The following ERICH1 variants were observed in gnomAD, a reference collection of about 807,000 sequenced individuals.
ERICH1 encodes glutamate-rich protein 1.
In ERICH1, 56 loss-of-function variants were observed where a neutral mutation model predicts 39.6. The observed-to-expected ratio is 1.41, with a 90% CI of 1.14 to 1.77. ERICH1 has a LOEUF of 1.77. Ranked by LOEUF, ERICH1 falls within the 40% of genes most tolerant of loss-of-function variation. The probability of loss-of-function intolerance (pLI) is 0.00; values close to 1 mark genes in which losing one functional copy is unlikely to be tolerated. For synonymous variants in ERICH1, 313 were observed against 223.6 expected (o/e 1.40, Z -3.57); for missense variants, 826 against 575.4 (o/e 1.44, Z -4.45).
intron 2 of ERICH1, among the ~76,000 whole-genome samples, chr8:700,331 G>T (rs1811703306): frequency 1.5e-5 from 1 of 67,684 alleles, no homozygotes. Flanking sequence ...GCACAGGCCC[G>T]CACACGCGCA....
chr8:699,077 C>T (rs12550549), intron 2 of ERICH1, among the ~76,000 whole-genome samples: 31,687 of 151,654 alleles, frequency 0.21, 3,846 homozygotes, highest in Middle Eastern at 0.37. Flanking sequence ...AAAAGAGCAC[C>T]GCACTACGGC....
intron 2 of ERICH1, among the ~76,000 whole-genome samples, chr8:700,479 GGCGCACAGGCCCGCACAC>G (rs1811813218): frequency 3.8e-4 from 7 of 18,200 alleles, no homozygotes; most frequent in Admixed American, 3.2e-3. Context: ...GACCCGCACA[GGCGCACAGGCCCGCACAC>G]GCGCACAGGC....
chr8:661,998 C>T (rs190678307), downstream of ERICH1, among the ~76,000 whole-genome samples: 1 of 152,196 alleles, frequency 6.6e-6, no homozygotes, highest in Non-Finnish European at 1.5e-5. Context: ...ACACATGACC[C>T]ACCACCCCTG....
intron 5 of ERICH1, chr8:667,329 G>C (rs1802411728): frequency 6.5e-6 from 1 of 153,566 alleles, no homozygotes; most frequent in Admixed American, 6.5e-5. Flanking sequence ...TCCATCCCCT[G>C]GTCCAGCCAC....
rs1402194357 is a variant in ERICH1 at position 648,443 on chromosome 8, C to T, written c.976+20155G>A. 3.7e-5 allele frequency among the ~76,000 whole-genome samples: 2 copies of T among 53,804 alleles called. 1 individual carries two copies. The highest frequency in any genetic ancestry group is 1.1e-4 in the Non-Finnish European group (2 of 18,702). The allele number at this position is 53,804 out of a possible 152,430, so 35.3% of individuals were successfully genotyped here. A position where few individuals can be genotyped will look rare whatever the true frequency, so the allele number is the denominator to read the frequency against. On this transcript the variant is annotated intron_variant, in intron 3 of 3. Coordinates refer to the ERICH1 transcript ENST00000522706. ...TGAGGCTGATGACACAGTCGTGTCC[C>T]AAACTGGACACAAATCACACAGCTC...
At chr8:688,229 G>A (rs1039724951) in intron 3 of ERICH1, among the ~76,000 whole-genome samples, 4 of 91,008 alleles carry the variant, frequency 4.4e-5, no homozygotes, top group African/African-American at 1.8e-4. Context: ...GTTTCCCGAC[G>A]TTCTCGCAGA....
chr8:716,850 T>G (rs1289272129), intron 1 of ERICH1, among the ~76,000 whole-genome samples: 1 of 151,998 alleles, frequency 6.6e-6, no homozygotes, highest in Admixed American at 6.5e-5. Context: ...GGGTGGCTTC[T>G]AGGCGAGGCA....
intron 3 of ERICH1, among the ~76,000 whole-genome samples, chr8:682,817 T>G (rs145097366): frequency 1.3e-3 from 200 of 152,338 alleles, no homozygotes; most frequent in African/African-American, 4.6e-3. Flanking sequence ...TACGTGAAAG[T>G]AGGCTAGGCA....
At chr8:722,034 A>G (rs1219535772) in intron 1 of ERICH1, among the ~76,000 whole-genome samples, 1 of 152,144 alleles carries the variant, frequency 6.6e-6, no homozygotes, top group Non-Finnish European at 1.5e-5. Flanking sequence ...CATGGCCCAA[A>G]TGAAAATGCC....
At chr8:710,989 A>C (rs1332394748) in intron 2 of ERICH1, among the ~76,000 whole-genome samples, 1 of 152,212 alleles carries the variant, frequency 6.6e-6, no homozygotes, top group Non-Finnish European at 1.5e-5. Flanking sequence ...TCCCATCTGC[A>C]GTGATGAGAG....
chr8:730,406 A>C (rs187528241), intron 1 of ERICH1, among the ~76,000 whole-genome samples: 14 of 152,356 alleles, frequency 9.2e-5, no homozygotes, highest in African/African-American at 2.6e-4. Context: ...TAGAGAAGGA[A>C]AAAAATTCAT....
intron 3 of ERICH1, among the ~76,000 whole-genome samples, chr8:617,293 G>A (rs1342579950): frequency 1.3e-5 from 2 of 152,112 alleles, no homozygotes; most frequent in South Asian, 2.1e-4. Flanking sequence ...GGTGGTTCAG[G>A]GCAGCTCAGA....
intron 2 of ERICH1, among the ~76,000 whole-genome samples, chr8:713,776 G>C (rs1196423382): frequency 6.6e-6 from 1 of 152,170 alleles, no homozygotes; most frequent in African/African-American, 2.4e-5. Flanking sequence ...GTGAAAACCA[G>C]AGACCACGCA....
At chr8:656,887 A>G in intron 3 of ERICH1, 1 of 960,124 alleles carries the variant, frequency 1.0e-6, no homozygotes, top group Non-Finnish European at 1.2e-6. Flanking sequence ...CTTAAACATT[A>G]TGGATTAATT....
intron 2 of ERICH1, among the ~76,000 whole-genome samples, chr8:694,155 C>T (rs1225576739): frequency 1.3e-5 from 2 of 152,144 alleles, no homozygotes; most frequent in Admixed American, 6.5e-5. Context: ...CTGTAAAAAC[C>T]TTGAAGCCTT....
At chr8:663,142 T>G (rs1801681390), downstream of ERICH1, among the ~76,000 whole-genome samples, 1 of 152,246 alleles carries the variant, frequency 6.6e-6, no homozygotes, top group Admixed American at 6.5e-5. Flanking sequence ...GAAACATCCC[T>G]GTTTCACCTG....
chr8:695,825 C>T (rs1190693319), intron 2 of ERICH1, among the ~76,000 whole-genome samples: 1 of 145,838 alleles, frequency 6.9e-6, no homozygotes, highest in Non-Finnish European at 1.5e-5. Context: ...ACCCTCCCTT[C>T]CTCTCCTCCC....
downstream of ERICH1, chr8:664,142 G>T (rs1297314711): frequency 1.5e-6 from 1 of 665,076 alleles, no homozygotes; most frequent in Non-Finnish European, 1.9e-6. Flanking sequence ...AGGAAAAACA[G>T]GTACCTGATA....
At chr8:628,087 G>A (rs1049452778) in intron 3 of ERICH1, among the ~76,000 whole-genome samples, 1 of 152,218 alleles carries the variant, frequency 6.6e-6, no homozygotes, top group Non-Finnish European at 1.5e-5. Context: ...GACCCTGCCC[G>A]AGACCACAGA....
Sources: allele counts gnomAD v4.1 joint callset (sites outside exome capture counted in the v4.1 genomes callset), GRCh38; gene constraint gnomAD v4.1.1; transcripts MANE v1.5; gene names NCBI Gene and HGNC (gene_info 2026-07-23, HGNC 2026-07-21).